The following GLI3 variants were observed in gnomAD, a reference collection of about 807,000 sequenced individuals.
The protein encoded by GLI3 is transcription activator GLI3.
A neutral mutation model predicts 100.8 loss-of-function variants in GLI3; 20 were observed. The observed-to-expected ratio is 0.20, with a 90% CI of 0.14 to 0.29. The LOEUF (loss-of-function observed/expected upper bound fraction) is 0.29, where lower values mean the gene tolerates loss of function less well. Among genes scored for constraint, GLI3 ranks in the 10% least tolerant of loss-of-function variants. The probability of loss-of-function intolerance (pLI) is 1.00; values close to 1 mark genes in which losing one functional copy is unlikely to be tolerated. For missense variants in GLI3, 2,040 were observed against 2,128.5 expected (o/e 0.96, Z 0.82); for synonymous variants, 938 against 860.5 (o/e 1.09, Z -1.58).
intron 2 of GLI3, among the ~76,000 whole-genome samples, chr7:42,188,501 A>T (rs1436342312): frequency 3.9e-5 from 6 of 152,238 alleles, no homozygotes; most frequent in Non-Finnish European, 7.3e-5. Context: ...CTACAAGGAT[A>T]ACCACCACCT....
chr7:42,065,098 T>C (rs2128748485), intron 4 of GLI3, among the ~76,000 whole-genome samples: 1 of 152,064 alleles, frequency 6.6e-6, no homozygotes, highest in East Asian at 1.9e-4. Context: ...ACTGTATCAT[T>C]TTCATCACAG....
chr7:42,141,386 C>G (rs1786563688), intron 3 of GLI3, among the ~76,000 whole-genome samples: 4 of 152,136 alleles, frequency 2.6e-5, no homozygotes, highest in Admixed American at 2.0e-4. Flanking sequence ...GAAGTCCCTG[C>G]CTTATGCCAG....
intron 6 of GLI3, among the ~76,000 whole-genome samples, chr7:42,042,001 C>T (rs1210646010): frequency 6.8e-6 from 1 of 147,492 alleles, no homozygotes. Flanking sequence ...AAATAGCAAT[C>T]CCAACGATTT....
Position 41,962,682 on chromosome 7 carries a change from T to C in GLI3, c.*1648A>G, listed in dbSNP as rs1357415984. The C allele has an allele frequency of 6.6e-6, 1 of 152,152 alleles. No homozygotes were observed. Among genetic ancestry groups the C allele is most frequent in the Non-Finnish European group, 1.5e-5 (1 of 68,028 alleles). The allele number at this position is 152,152 out of a possible 1,614,324, so 9.4% of individuals were successfully genotyped here. A position where few individuals can be genotyped will look rare whatever the true frequency, so the allele number is the denominator to read the frequency against. ...TGAAAGAACATAAACATGAGAAAAG[T>C]GGGCTGGTCTTAACACTCTTTCTAT... On this transcript the variant is annotated 3_prime_UTR_variant, in exon 15 of 15. Transcript: ENST00000395925.
Position 41,965,974 on chromosome 7 carries a change from C to CG in GLI3, c.3098dup (p.Ala1034GlyfsTer50). 6.2e-7 allele frequency: 1 copy of CG among 1,607,546 alleles called. No homozygotes were observed. On this transcript the variant is annotated frameshift_variant, in exon 15 of 15. Coordinates refer to ENST00000395925, the MANE Select transcript of GLI3 (RefSeq NM_000168.6). LOFTEE classifies it low-confidence loss of function (END_TRUNC). ...GCTTCTCCGCGGACGTGGCCATCGC[C>CG]GGGGGGTTGCAGCTGCTGAGGCTGC...
intron 10 of GLI3, among the ~76,000 whole-genome samples, chr7:41,985,133 C>T (rs1787782700): frequency 6.6e-6 from 1 of 152,226 alleles, no homozygotes; most frequent in Non-Finnish European, 1.5e-5. Flanking sequence ...ATTTCCAATT[C>T]ATGCCTTTGC....
intron 3 of GLI3, among the ~76,000 whole-genome samples, chr7:42,114,500 T>C (rs1261710720): frequency 6.6e-6 from 1 of 151,744 alleles, no homozygotes. Context: ...AAGGATTGAA[T>C]TGGTTATTAG....
chr7:41,995,960 C>A (rs1384372379), intron 10 of GLI3, among the ~76,000 whole-genome samples: 2 of 152,144 alleles, frequency 1.3e-5, no homozygotes, highest in Non-Finnish European at 2.9e-5. Context: ...ATGGGTCTGA[C>A]CTCTGCTAAC....
chr7:42,236,871 G>C (rs573594901), intron 1 of GLI3, 100 bp downstream of exon 1: 13 of 152,282 alleles, frequency 8.5e-5, no homozygotes, highest in African/African-American at 3.1e-4. Flanking sequence ...ACTCCATCCC[G>C]TCCCCACGCT....
At position 42,040,168 on chromosome 7, in the gene GLI3, A is replaced by G; in HGVS notation, c.898T>C (p.Ser300Pro). 1 of 1,613,802 alleles carries G rather than the reference A, an allele frequency of 6.2e-7. No homozygotes were observed. Among genetic ancestry groups the G allele is most frequent in the Non-Finnish European group, 8.5e-7 (1 of 1,179,690 alleles). The change falls in exon 7 of 15, where the codon TCC becomes CCC. Residue 300 changes from serine to proline, a missense_variant. By Grantham distance (74) the Ser-to-Pro change is moderately conservative. Around this residue, in one of 5 missense-constraint regions of GLI3, gnomAD observed 603 missense variants for 690.9 expected, o/e 0.87. Transcript: ENST00000395925. ...GTCTGAAGGTCAAAGCTATGATCGGAGAGTGGTGATATGGACAGTGTACGT... is the reference window on the plus strand; with the variant it reads ...GTCTGAAGGTCAAAGCTATGATCGGGGAGTGGTGATATGGACAGTGTACGT... ...RKRTLSISPL[S>P]DHSFDLQTMI...
At chr7:42,096,502 G>A (rs1230522569) in intron 3 of GLI3, among the ~76,000 whole-genome samples, 1 of 152,202 alleles carries the variant, frequency 6.6e-6, no homozygotes, top group Admixed American at 6.5e-5. Flanking sequence ...TGGTTTAAAA[G>A]GGGAGCAGGG....
At chr7:42,205,901 G>GTTGTT (rs1788141273) in intron 2 of GLI3, among the ~76,000 whole-genome samples, 2 of 152,070 alleles carry the variant, frequency 1.3e-5, no homozygotes, top group African/African-American at 4.8e-5. Context: ...ACAGAAAAAC[G>GTTGTT]ACTAAGATTG....
At chr7:42,187,077 G>C (rs1227842922) in intron 2 of GLI3, among the ~76,000 whole-genome samples, 1 of 151,628 alleles carries the variant, frequency 6.6e-6, no homozygotes, top group East Asian at 1.9e-4. Flanking sequence ...TGGGTGCGTT[G>C]GCACAGGCCT....
chr7:42,255,301 T>C (rs1025774922), intron 1 of GLI3, among the ~76,000 whole-genome samples: 1 of 152,212 alleles, frequency 6.6e-6, no homozygotes, highest in African/African-American at 2.4e-5. Context: ...CTGCCAGCCT[T>C]ATCATTGTTT....
In GLI3 at chr7:41,962,963, C is replaced by G. The variant is rs1232987965; in HGVS notation, c.*1367G>C. ...ATGACTTTTATGTGTATCAAATGCACGTGGGGAGTAGCTGCACTTCAAAAA... is the reference window on the plus strand; with the variant it reads ...ATGACTTTTATGTGTATCAAATGCAGGTGGGGAGTAGCTGCACTTCAAAAA... On this transcript the variant is annotated 3_prime_UTR_variant, in exon 15 of 15. Transcript: ENST00000395925. 2 of 152,128 alleles carry G rather than the reference C, an allele frequency of 1.3e-5. No homozygotes were observed. The highest frequency in any genetic ancestry group is 4.8e-5 in the African/African-American group (2 of 41,410). The allele number at this position is 152,128 out of a possible 1,614,324, so 9.4% of individuals were successfully genotyped here.
At chr7:42,150,804 T>C (rs527708460) in intron 2 of GLI3, among the ~76,000 whole-genome samples, 204 of 152,312 alleles carry the variant, frequency 1.3e-3, no homozygotes, top group Non-Finnish European at 2.4e-3. Flanking sequence ...ATGATGAGCA[T>C]TTGAATCCAA....
intron 4 of GLI3, among the ~76,000 whole-genome samples, chr7:42,050,261 C>A (rs1784328599): frequency 6.6e-6 from 1 of 152,182 alleles, no homozygotes; most frequent in Admixed American, 6.5e-5. Flanking sequence ...TCTAAATTTA[C>A]ACATGGGAAG....
chr7:42,012,846 C>A (rs1562684862), intron 10 of GLI3, among the ~76,000 whole-genome samples: 2 of 152,140 alleles, frequency 1.3e-5, no homozygotes, highest in Non-Finnish European at 2.9e-5. Flanking sequence ...GTAGAAACTG[C>A]ACCAGAGGAA....
At chr7:42,239,990 T>C (rs547174313), upstream of GLI3, among the ~76,000 whole-genome samples, 5 of 152,216 alleles carry the variant, frequency 3.3e-5, no homozygotes, top group Non-Finnish European at 5.9e-5. Context: ...TTATTATGGT[T>C]GAAATTGGAG....
Sources: allele counts gnomAD v4.1 joint callset (sites outside exome capture counted in the v4.1 genomes callset), GRCh38; gene constraint gnomAD v4.1.1; regional missense constraint gnomAD v4.1.1; transcripts MANE v1.5; gene names NCBI Gene and HGNC (gene_info 2026-07-23, HGNC 2026-07-21).